The following PCDHA4 variants were observed in gnomAD, a reference collection of about 807,000 sequenced individuals.
The protein encoded by PCDHA4 is protocadherin alpha-4.
A neutral mutation model predicts 61.4 loss-of-function variants in PCDHA4; 49 were observed. That is an observed-to-expected ratio of 0.80 (90% CI 0.63 to 1.01). The LOEUF (loss-of-function observed/expected upper bound fraction) is 1.01. Among genes scored for constraint, PCDHA4 ranks in the 50% least tolerant of loss-of-function variants. The probability of loss-of-function intolerance (pLI) is 0.00; values close to 1 mark genes in which losing one functional copy is unlikely to be tolerated. For missense variants in PCDHA4, 1,254 were observed against 1,235.8 expected (o/e 1.01, Z -0.22); for synonymous variants, 590 against 550.3 (o/e 1.07, Z -1.01).
chr5:140,887,251 C>G (rs2153419046), intron 1 of PCDHA4, among the ~76,000 whole-genome samples: 1 of 152,162 alleles, frequency 6.6e-6, no homozygotes. Context: ...CGCCCGCCAC[C>G]ACGCCCTGCT....
intron 1 of PCDHA4, chr5:140,829,446 C>T (rs2150168086): frequency 3.6e-5 from 58 of 1,613,896 alleles, no homozygotes; most frequent in Non-Finnish European, 4.7e-5. Context: ...AATGACAATG[C>T]TCCGGCGTTC....
At chr5:140,928,942 T>G in intron 1 of PCDHA4, 1 of 1,614,062 alleles carries the variant, frequency 6.2e-7, no homozygotes, top group Non-Finnish European at 8.5e-7. Flanking sequence ...GAACTTGTAT[T>G]TAGTAATTGC....
chr5:140,846,963 T>C (rs1458103794), intron 1 of PCDHA4, among the ~76,000 whole-genome samples: 3 of 149,600 alleles, frequency 2.0e-5, no homozygotes, highest in African/African-American at 7.3e-5. Context: ...TGTGTTTCAG[T>C]GGTTTTAAAA....
At chr5:140,940,987 T>A (rs1239979893) in intron 1 of PCDHA4, among the ~76,000 whole-genome samples, 2 of 152,190 alleles carry the variant, frequency 1.3e-5, no homozygotes, top group African/African-American at 4.8e-5. Flanking sequence ...TAGTTACAAG[T>A]TTATAGGATT....
At chr5:140,822,327 TGAA>T (rs2150115560) in intron 1 of PCDHA4, 3 of 1,613,994 alleles carry the variant, frequency 1.9e-6, no homozygotes, top group East Asian at 4.5e-5. Flanking sequence ...TTAAAACAAA[TGAA>T]GAAGAAACGA....
intron 1 of PCDHA4, among the ~76,000 whole-genome samples, chr5:140,887,368 T>C (rs2061428699): frequency 6.6e-6 from 1 of 152,174 alleles, no homozygotes; most frequent in Non-Finnish European, 1.5e-5. Context: ...AGTGCTGGGA[T>C]TACAGGTGTG....
chr5:140,848,754 A>T, intron 1 of PCDHA4: 1 of 1,593,142 alleles, frequency 6.3e-7, no homozygotes, highest in Non-Finnish European at 8.6e-7. Context: ...TTTGTTTGTG[A>T]ATTCTCGGAT....
At chr5:140,823,997 C>G (rs2150131247) in intron 1 of PCDHA4, 5 of 1,614,108 alleles carry the variant, frequency 3.1e-6, no homozygotes, top group Non-Finnish European at 3.4e-6. Flanking sequence ...CTGTTGTGCT[C>G]CAGCGCGGTG....
At position 140,851,914 on chromosome 5, in the gene PCDHA4, A is replaced by G. The variant is rs1213624827; in HGVS notation, c.2385+42342A>G. 6 of 969,578 alleles carry G rather than the reference A, an allele frequency of 6.2e-6. No individual in the cohort carries two copies. The African/African-American group carries it at 7.1e-5, about 11-fold the overall frequency. 60.1% of individuals were successfully genotyped at this position (969,578 alleles called of 1,614,324 possible). On this transcript the variant is annotated intron_variant, in intron 1 of 3. Coordinates refer to ENST00000530339, the MANE Select transcript of PCDHA4 (RefSeq NM_018907.4). ...AGATTTGCCTCTTTAATGTCACTAC[A>G]TGTTATGTTTCCTGAATTGTAGTAT... is the stretch of plus-strand genomic sequence containing the variant.
At chr5:140,964,792 C>T (rs183206526) in intron 1 of PCDHA4, among the ~76,000 whole-genome samples, 5 of 151,738 alleles carry the variant, frequency 3.3e-5, no homozygotes, top group African/African-American at 7.3e-5. Context: ...AAGCCAGAGA[C>T]CCAAGAAAGG....
intron 1 of PCDHA4, among the ~76,000 whole-genome samples, chr5:140,965,644 G>A (rs201197561): frequency 6.6e-6 from 1 of 152,028 alleles, no homozygotes; most frequent in African/African-American, 2.4e-5. Flanking sequence ...AATTACTCTT[G>A]AAAGAAAATG....
chr5:140,839,394 TG>T (rs201675395), intron 1 of PCDHA4, among the ~76,000 whole-genome samples: 1,897 of 151,840 alleles, frequency 0.012, 32 homozygotes, highest in Middle Eastern at 0.017. Flanking sequence ...ATGATGATGA[TG>T]ATTATTATTT....
intron 1 of PCDHA4, among the ~76,000 whole-genome samples, chr5:140,902,203 CT>C (rs148688132): frequency 0.19 from 23,745 of 124,094 alleles, 1,540 homozygotes; most frequent in African/African-American, 0.29. Flanking sequence ...CTCTCTCTTT[CT>C]TTTTTTTTTT....
chr5:140,992,369 A>G (rs1554252849), intron 3 of PCDHA4, among the ~76,000 whole-genome samples: 1 of 152,188 alleles, frequency 6.6e-6, no homozygotes, highest in Non-Finnish European at 1.5e-5. Context: ...AATGGTTCCC[A>G]TTACATTATT....
intron 1 of PCDHA4, chr5:140,828,707 C>T: frequency 6.2e-7 from 1 of 1,614,222 alleles, no homozygotes; most frequent in South Asian, 1.1e-5. Context: ...AGAGGAAGCT[C>T]CTGCACACAA....
intron 1 of PCDHA4, chr5:140,851,113 A>C: frequency 1.5e-6 from 2 of 1,303,480 alleles, no homozygotes; most frequent in East Asian, 5.4e-5. Context: ...GTGCTGAATC[A>C]ATTTTATTTA....
chr5:140,908,430 C>T (rs543426512), intron 1 of PCDHA4, among the ~76,000 whole-genome samples: 56 of 152,262 alleles, frequency 3.7e-4, no homozygotes, highest in Admixed American at 7.2e-4. Flanking sequence ...TGCTGCTGTG[C>T]GCACCCCACT....
chr5:140,827,934 A>C, intron 1 of PCDHA4: 104 of 1,010,174 alleles, frequency 1.0e-4, no homozygotes, highest in Middle Eastern at 2.8e-4. Context: ...ATGAAGTTAT[A>C]GCTAGCCAAC....
chr5:140,985,683 G>A (rs926848363), intron 3 of PCDHA4, among the ~76,000 whole-genome samples: 3 of 151,224 alleles, frequency 2.0e-5, no homozygotes, highest in African/African-American at 7.3e-5. Context: ...CCTGCCTTAC[G>A]CTAATCCTCG....
Sources: allele counts gnomAD v4.1 joint callset (sites outside exome capture counted in the v4.1 genomes callset), GRCh38; gene constraint gnomAD v4.1.1; transcripts MANE v1.5; gene names NCBI Gene and HGNC (gene_info 2026-07-23, HGNC 2026-07-21).